Variants in RABEP1 observed in about 807,000 individuals in gnomAD.
The protein encoded by RABEP1 is rab GTPase-binding effector protein 1.
In RABEP1, 51 loss-of-function variants were observed where a neutral mutation model predicts 123.4. The observed-to-expected ratio is 0.41, with a 90% confidence interval of 0.33 to 0.52. The LOEUF is 0.52. Among genes scored for constraint, RABEP1 ranks in the 20% least tolerant of loss-of-function variants. The probability of loss-of-function intolerance (pLI) is 0.16; values close to 1 mark genes in which losing one functional copy is unlikely to be tolerated. For synonymous variants in RABEP1, 347 were observed against 355.2 expected, an observed-to-expected ratio of 0.98 and a Z score of 0.26; for missense variants, 888 against 996.3, an observed-to-expected ratio of 0.89 and a Z score of 1.46.
At chr17:5,314,234 C>CTTTTTTTTTTTTTTTTTTTTTTTT (rs71151864) in intron 2 of RABEP1, among the ~76,000 whole-genome samples, 2 of 55,584 alleles carry the variant, frequency 3.6e-5, no homozygotes, top group Non-Finnish European at 6.4e-5. Flanking sequence ...AGTACCTATT[C>CTTTTTTTTTTTTTTTTTTTTTTTT]TTTTTTTTTT....
rs140514546 is a variant in RABEP1, at chr17:5,310,564, C to T, written c.163+1742C>T. Among the ~76,000 whole-genome samples, 859 of 151,956 alleles carry T rather than the reference C, an allele frequency of 5.7e-3. 7 individuals carry two copies. Among genetic ancestry groups the T allele is most frequent in the African/African-American group, 0.019 (800 of 41,458 alleles). ...CAAACTCCTGACCTTGTGATCCGCC[C>T]GCTTCGGCCTCCCAAAGTGCTGGGT... On this transcript the variant is annotated intron_variant, in intron 2 of 17. Coordinates refer to ENST00000537505, the MANE Select transcript of RABEP1 (RefSeq NM_004703.6).
intron 6 of RABEP1, among the ~76,000 whole-genome samples, chr17:5,349,841 T>G (rs1908368816): frequency 6.6e-6 from 1 of 152,196 alleles, no homozygotes; most frequent in African/African-American, 2.4e-5. Context: ...CTTTAAAAAT[T>G]TATTTAATTA....
intron 3 of RABEP1, 27 bp from the exon 4 acceptor site, chr17:5,335,157 T>A: frequency 6.4e-7 from 1 of 1,564,788 alleles, no homozygotes; most frequent in East Asian, 2.3e-5. Flanking sequence ...AATGCTTAGA[T>A]GTGAAATATG....
intron 16 of RABEP1, among the ~76,000 whole-genome samples, chr17:5,380,693 G>A (rs1911381623): frequency 6.6e-6 from 1 of 152,200 alleles, no homozygotes. Flanking sequence ...TCAGATAGTA[G>A]GCAGTCAGGG....
At chr17:5,300,683 A>G (rs1224208042) in intron 1 of RABEP1, among the ~76,000 whole-genome samples, 1 of 152,130 alleles carries the variant, frequency 6.6e-6, no homozygotes, top group East Asian at 1.9e-4. Context: ...GTTTGTTATT[A>G]TTGTTTAATC....
intron 8 of RABEP1, among the ~76,000 whole-genome samples, 164 bp downstream of exon 8, chr17:5,354,654 T>C (rs1345342516): frequency 2.0e-5 from 3 of 152,228 alleles, no homozygotes; most frequent in Non-Finnish European, 2.9e-5. Context: ...TTTATGGCAT[T>C]ATAGGTAGCA....
At chr17:5,316,832 C>CAAAAAAAAA (rs55890740) in intron 2 of RABEP1, among the ~76,000 whole-genome samples, 1 of 67,176 alleles carries the variant, frequency 1.5e-5, no homozygotes, top group African/African-American at 5.9e-5. Context: ...GACTCTGTCT[C>CAAAAAAAAA]AAAAAAAAAA....
intron 6 of RABEP1, among the ~76,000 whole-genome samples, chr17:5,349,209 T>C (rs1016165746): frequency 6.6e-6 from 1 of 152,168 alleles, no homozygotes; most frequent in Admixed American, 6.5e-5. Flanking sequence ...TTTTGCGTTT[T>C]AGAAAGTTCA....
At chr17:5,369,320 T>G (rs1910345837) in intron 12 of RABEP1, among the ~76,000 whole-genome samples, 1 of 152,162 alleles carries the variant, frequency 6.6e-6, no homozygotes, top group African/African-American at 2.4e-5. Flanking sequence ...TTGTTTTTCC[T>G]TTCTCAAAGT....
intron 1 of RABEP1, among the ~76,000 whole-genome samples, chr17:5,284,736 G>C (rs903393291): frequency 3.3e-5 from 5 of 152,024 alleles, no homozygotes; most frequent in African/African-American, 1.2e-4. Flanking sequence ...AAAGTGCTAG[G>C]ATTGTAGGTG....
In RABEP1 at chr17:5,383,413, C is replaced by A; in HGVS notation, c.*190C>A. On this transcript the variant is annotated 3_prime_UTR_variant, in exon 18 of 18. Coordinates refer to ENST00000537505, the MANE Select transcript of RABEP1 (RefSeq NM_004703.6). ...AGCAAACAGTGGGGTGATCTGCAGCCCAGAGACCTTCAAATGCGAACACTA... is the reference window on the plus strand; with the variant it reads ...AGCAAACAGTGGGGTGATCTGCAGCACAGAGACCTTCAAATGCGAACACTA... 3.5e-6 allele frequency: 2 copies of A among 567,726 alleles called. No individual in the cohort carries two copies. Among genetic ancestry groups the A allele is most frequent in the South Asian group, 2.1e-5 (1 of 46,906 alleles). The allele number at this position is 567,726 out of a possible 1,614,324, so 35.2% of individuals were successfully genotyped here.
intron 12 of RABEP1, among the ~76,000 whole-genome samples, chr17:5,369,903 T>A (rs917997217): frequency 3.3e-5 from 5 of 152,160 alleles, no homozygotes; most frequent in African/African-American, 9.7e-5. Flanking sequence ...TTTCTCCATG[T>A]TGGTCGGGCT....
At chr17:5,368,539 T>C in intron 12 of RABEP1, 71 bp downstream of exon 12, 6 of 1,098,394 alleles carry the variant, frequency 5.5e-6, no homozygotes, top group Non-Finnish European at 8.3e-6. Flanking sequence ...CTTGACATCA[T>C]CTTTGATAGG....
chr17:5,364,947 C>T (rs1264290737), intron 10 of RABEP1, among the ~76,000 whole-genome samples, 175 bp from the exon 11 acceptor site: 1 of 151,664 alleles, frequency 6.6e-6, no homozygotes, highest in Non-Finnish European at 1.5e-5. Context: ...CTGTAAACCA[C>T]AGTACAGTTG....
Position 5,384,146 on chromosome 17 carries a change from G to C in RABEP1, c.*923G>C, listed in dbSNP as rs150883726. The C allele has an allele frequency of 2.8e-5, 6 of 214,064 alleles. No homozygotes were observed. The highest frequency in any genetic ancestry group is 1.2e-4 in the Admixed American group (2 of 17,102). 13.3% of individuals were successfully genotyped at this position (214,064 alleles called of 1,614,324 possible). On this transcript the variant is annotated 3_prime_UTR_variant, in exon 18 of 18. Coordinates refer to ENST00000537505, the MANE Select transcript of RABEP1 (RefSeq NM_004703.6). The stretch of plus-strand genomic sequence containing the variant: ...TTCAAATGTGTCAAATACAAAAATG[G>C]TAACTAGGTTGACAGATACTTTGTA...
intron 5 of RABEP1, among the ~76,000 whole-genome samples, chr17:5,340,532 C>A (rs1907500400): frequency 6.6e-6 from 1 of 150,880 alleles, no homozygotes; most frequent in South Asian, 2.1e-4. Flanking sequence ...ATGGGTTATT[C>A]AGGTATTTAC....
intron 5 of RABEP1, among the ~76,000 whole-genome samples, chr17:5,342,764 A>G (rs1907723348): frequency 1.3e-5 from 2 of 152,228 alleles, no homozygotes; most frequent in African/African-American, 4.8e-5. Flanking sequence ...AAAATTTTGA[A>G]GACAAGATGA....
At chr17:5,365,100 A>G in intron 10 of RABEP1, 22 bp from the exon 11 acceptor site, 2 of 1,479,560 alleles carry the variant, frequency 1.4e-6, no homozygotes, top group Non-Finnish European at 1.8e-6. Flanking sequence ...GGTTTTTCTA[A>G]TTGACTTTTA....
chr17:5,340,167 A>G (rs78650284), intron 5 of RABEP1, among the ~76,000 whole-genome samples: 20,720 of 152,198 alleles, frequency 0.14, 1,468 homozygotes, highest in East Asian at 0.18. Context: ...TTTAGTTGTA[A>G]TTGACACACA....
Sources: allele counts gnomAD v4.1 joint callset (sites outside exome capture counted in the v4.1 genomes callset), GRCh38; gene constraint gnomAD v4.1.1; transcripts MANE v1.5; gene names NCBI Gene and HGNC (gene_info 2026-07-23, HGNC 2026-07-21).